IQUB: variants seen among roughly 807,000 people sequenced by gnomAD.
IQUB encodes IQ motif and ubiquitin-like domain-containing protein.
IQUB carries 86 observed loss-of-function variants against 86.4 expected under a neutral mutation model. That is an observed-to-expected ratio of 1.00 (90% CI 0.84 to 1.19). The LOEUF is 1.19. Ranked by LOEUF, IQUB falls within the 50% of genes most tolerant of loss-of-function variation. The pLI is 0.00. For missense variants in IQUB, 946 were observed against 916.9 expected (o/e 1.03, Z -0.41); for synonymous variants, 289 against 304.5 (o/e 0.95, Z 0.53).
chr7:123,523,769 G>A (rs547367220), intron 1 of IQUB, among the ~76,000 whole-genome samples: 3 of 152,050 alleles, frequency 2.0e-5, no homozygotes, highest in Non-Finnish European at 2.9e-5. Context: ...TAGACATGAA[G>A]TCCTTGCCCA....
chr7:123,511,326 T>C lies in IQUB; in HGVS notation c.397+618A>G, dbSNP rs1204123680. On this transcript the variant is annotated intron_variant, in intron 2 of 12. Coordinates refer to ENST00000324698, the MANE Select transcript of IQUB (RefSeq NM_178827.5). ...ACCATGCAACTAGAATGGTTCTCTG[T>C]GTAACCACCTTATTGCTGCTGCCAC... Among the ~76,000 whole-genome samples the C allele has an allele frequency of 4.6e-5, 7 of 152,174 alleles. No individual in the cohort carries two copies. The South Asian group carries it at 6.2e-4, about 14-fold the overall frequency.
At chr7:123,529,664 A>C (rs532504023) in intron 1 of IQUB, among the ~76,000 whole-genome samples, 42 of 135,278 alleles carry the variant, frequency 3.1e-4, no homozygotes, top group Non-Finnish European at 3.9e-4. Flanking sequence ...AAGTGGGCGG[A>C]TCTTGAGGTC....
chr7:123,495,590 A>G (rs1195071545), intron 7 of IQUB, among the ~76,000 whole-genome samples: 1 of 152,140 alleles, frequency 6.6e-6, no homozygotes, highest in African/African-American at 2.4e-5. Context: ...TTCAACTACA[A>G]AAGCCAATTG....
chr7:123,452,688 T>C lies in IQUB; in HGVS notation c.*55A>G. 1 of 1,212,578 alleles carries C rather than the reference T, an allele frequency of 8.2e-7. No homozygotes were observed. The allele number at this position is 1,212,578 out of a possible 1,614,324, so 75.1% of individuals were successfully genotyped here. On this transcript the variant is annotated 3_prime_UTR_variant, in exon 13 of 13. Coordinates refer to ENST00000324698, the MANE Select transcript of IQUB (RefSeq NM_178827.5). ...TTTCCATACTCTGTGACCTCTGTAT[T>C]ACCCTATTAGCAGTGAACAAAATGC...
intron 7 of IQUB, among the ~76,000 whole-genome samples, chr7:123,493,044 T>C (rs571202212): frequency 1.3e-5 from 2 of 151,892 alleles, no homozygotes; most frequent in Non-Finnish European, 2.9e-5. Flanking sequence ...ATCCTGGGAG[T>C]GCTATAAATA....
At position 123,461,508 on chromosome 7, in the gene IQUB, G is replaced by C. The variant is rs1382459412; in HGVS notation, c.1856C>G (p.Ser619Ter). 1 of 1,612,320 alleles carries C rather than the reference G, an allele frequency of 6.2e-7. No homozygotes were observed. The highest frequency in any genetic ancestry group is 1.1e-5 in the South Asian group (1 of 91,020). ...PSTEFSVSST[S>*]RRIYRCRNCI... ...GTTACGACACCGGTATATGCGGCGTGAGGTGGATGATACAGAAAATTCTGT... is the reference window on the plus strand; with the variant it reads ...GTTACGACACCGGTATATGCGGCGTCAGGTGGATGATACAGAAAATTCTGT... The change falls in exon 11 of 13, where the codon TCA becomes TGA. Residue 619 changes from serine to a stop codon, truncating the protein, a stop_gained. Coordinates refer to ENST00000324698, the MANE Select transcript of IQUB (RefSeq NM_178827.5). LOFTEE classifies it high-confidence loss of function.
Position 123,503,189 on chromosome 7 carries a change from T to A in IQUB, c.694+13A>T. The A allele has an allele frequency of 6.2e-7, 1 of 1,608,578 alleles. No homozygotes were observed. The highest frequency in any genetic ancestry group is 8.5e-7 in the Non-Finnish European group (1 of 1,177,932). On this transcript the variant is annotated intron_variant, in intron 4 of 12. Transcript: ENST00000324698. ...TCAAAAATACTTTATCTAAAAGACA[T>A]CAAATAACGAACCAGTTTGGACAGT...
At chr7:123,494,406 G>C (rs991502906) in intron 7 of IQUB, among the ~76,000 whole-genome samples, 11 of 152,054 alleles carry the variant, frequency 7.2e-5, no homozygotes, top group African/African-American at 2.7e-4. Flanking sequence ...TCCAAGGAAT[G>C]GAGTTATGAA....
chr7:123,452,751 G>T lies in IQUB; in HGVS notation c.2368C>A (p.Pro790Thr), dbSNP rs1034779800. The change falls in exon 13 of 13, where the codon CCT (proline) becomes ACT (threonine). Residue 790 changes from proline (P) to threonine (T), a missense_variant. Coordinates refer to ENST00000324698, the MANE Select transcript of IQUB (RefSeq NM_178827.5). Reference sequence around the variant, plus strand: ...AAATACTCCTGGATCACCTAATGAGGAGGCCTCTGGGATTCTATAATCTTA... The same window carrying T: ...AAATACTCCTGGATCACCTAATGAGTAGGCCTCTGGGATTCTATAATCTTA... Reference protein sequence around the residue: ...TPKIIESQRPPH With the variant: ...TPKIIESQRPTH 34 of 1,610,972 alleles carry T rather than the reference G, an allele frequency of 2.1e-5. No individual in the cohort carries two copies. Among genetic ancestry groups the T allele is most frequent in the Non-Finnish European group, 2.5e-5 (30 of 1,178,130 alleles).
intron 10 of IQUB, among the ~76,000 whole-genome samples, chr7:123,464,558 G>A (rs1794159122): frequency 1.3e-5 from 2 of 151,864 alleles, no homozygotes; most frequent in South Asian, 4.1e-4. Context: ...ATGGAGGCGT[G>A]AGAAATCATA....
chr7:123,522,028 C>G (rs141885243), intron 1 of IQUB, among the ~76,000 whole-genome samples: 2 of 152,086 alleles, frequency 1.3e-5, no homozygotes, highest in Non-Finnish European at 2.9e-5. Context: ...AAGAAGCAAT[C>G]GGCCATGGGT....
At chr7:123,470,816 A>C (rs1794486882) in intron 8 of IQUB, among the ~76,000 whole-genome samples, 1 of 151,570 alleles carries the variant, frequency 6.6e-6, no homozygotes, top group Non-Finnish European at 1.5e-5. Context: ...GCGCCACTGC[A>C]CTCCAGCCTG....
intron 3 of IQUB, among the ~76,000 whole-genome samples, chr7:123,505,745 C>T (rs1034165908): frequency 2.0e-5 from 3 of 152,162 alleles, no homozygotes; most frequent in African/African-American, 4.8e-5. Context: ...TCTGAAATGA[C>T]TTTGAGGCAT....
intron 1 of IQUB, among the ~76,000 whole-genome samples, chr7:123,527,388 A>G (rs1471909474): frequency 2.0e-5 from 3 of 151,820 alleles, no homozygotes; most frequent in Non-Finnish European, 4.4e-5. Flanking sequence ...GAGGAGAGGC[A>G]CTCTGCTTTT....
chr7:123,511,902 CA>C (rs1796431592), intron 2 of IQUB, 41 bp downstream of exon 2: 1 of 1,428,660 alleles, frequency 7.0e-7, no homozygotes, highest in African/African-American at 1.4e-5. Flanking sequence ...ATTCATTCTT[CA>C]AAATGAGAAA....
Position 123,469,251 on chromosome 7 carries a change from C to A in IQUB, c.1544G>T (p.Arg515Met). ...IMLKNISQDE[R>M]LDVLLTLKHT... ...TTTAAGAGTTAACAGCACATCCAGC[C>A]TCTCATCTTGGGAGATATTTTTCAG... Residue 515 changes from arginine (R) to methionine (M), a missense_variant, in exon 9 of 13, where the codon AGG (arginine) becomes ATG (methionine). Physicochemically the swap from Arg to Met is moderately conservative, Grantham distance 91 (BLOSUM62 -1). Coordinates refer to ENST00000324698, the MANE Select transcript of IQUB (RefSeq NM_178827.5). 1 of 1,602,310 alleles carries A rather than the reference C, an allele frequency of 6.2e-7. No individual in the cohort carries two copies. The highest frequency in any genetic ancestry group is 8.5e-7 in the Non-Finnish European group (1 of 1,174,786).
intron 1 of IQUB, among the ~76,000 whole-genome samples, chr7:123,525,192 G>GT: frequency 6.6e-6 from 1 of 152,114 alleles, no homozygotes; most frequent in East Asian, 1.9e-4. Flanking sequence ...CCCAGCTTTG[G>GT]TATCAGGATG....
At chr7:123,456,924 G>A (rs1793724445) in intron 12 of IQUB, among the ~76,000 whole-genome samples, 1 of 151,962 alleles carries the variant, frequency 6.6e-6, no homozygotes, top group Admixed American at 6.6e-5. Context: ...TTGAGAGTTG[G>A]GTGTTTTTAA....
intron 1 of IQUB, among the ~76,000 whole-genome samples, chr7:123,525,015 G>A (rs1474891383): frequency 1.1e-4 from 17 of 152,232 alleles, no homozygotes; most frequent in East Asian, 5.8e-4. Flanking sequence ...ATTGATTTGC[G>A]TATATTGAAC....
Sources: allele counts gnomAD v4.1 joint callset (sites outside exome capture counted in the v4.1 genomes callset), GRCh38; gene constraint gnomAD v4.1.1; transcripts MANE v1.5; gene names NCBI Gene and HGNC (gene_info 2026-07-23, HGNC 2026-07-21).